Variants in THSD7B observed in about 807,000 individuals in gnomAD.
The protein encoded by THSD7B is thrombospondin type 1 domain containing 7B.
Under a neutral mutation model 213.6 loss-of-function variants are expected in THSD7B, and 138 were observed. The ratio of observed to expected loss-of-function variants is 0.65; its 90% CI spans 0.56 to 0.74. THSD7B has a LOEUF of 0.74. Among genes scored for constraint, THSD7B ranks in the 30% least tolerant of loss-of-function variants. The pLI, the probability that THSD7B is intolerant of heterozygous loss-of-function variation, is 0.00. For synonymous variants in THSD7B, 742 were observed against 687.0 expected (o/e 1.08, Z -1.25); for missense variants, 1,931 against 1,991.5 (o/e 0.97, Z 0.58).
rs559244611 is a variant in THSD7B, at chr2:136,870,357, T to C, written c.-35-11787T>C. ...TCGAAAAAATTATTTAAAAGTTGACTCAATAGTCCATGGATCCATTGAGCA... is the reference window on the plus strand; with the variant it reads ...TCGAAAAAATTATTTAAAAGTTGACCCAATAGTCCATGGATCCATTGAGCA... On this transcript the variant is annotated intron_variant, in intron 1 of 27. Transcript: ENST00000409968. Among the ~76,000 whole-genome samples, 6 of 152,354 alleles carry C rather than the reference T, an allele frequency of 3.9e-5. No individual in the cohort carries two copies. The South Asian group carries it at 1.2e-3, about 32-fold the overall frequency.
intron 5 of THSD7B, among the ~76,000 whole-genome samples, chr2:137,128,109 A>C (rs1688660947): frequency 6.6e-6 from 1 of 152,188 alleles, no homozygotes; most frequent in African/African-American, 2.4e-5. Context: ...GATTGGGAAC[A>C]CTACAGATAC....
At chr2:137,504,344 G>C (rs1044624556) in intron 15 of THSD7B, among the ~76,000 whole-genome samples, 1 of 152,098 alleles carries the variant, frequency 6.6e-6, no homozygotes, top group African/African-American at 2.4e-5. Context: ...GTGTATTTTT[G>C]AGAAGATGAT....
At chr2:137,096,269 AAAGT>A (rs922885660) in intron 4 of THSD7B, among the ~76,000 whole-genome samples, 5 of 152,336 alleles carry the variant, frequency 3.3e-5, no homozygotes, top group African/African-American at 1.2e-4. Flanking sequence ...AGCCAAAAAT[AAAGT>A]AAGAAAAAAA....
Position 137,130,949 on chromosome 2 carries a change from G to A in THSD7B, c.1369+15656G>A, listed in dbSNP as rs547451605. On this transcript the variant is annotated intron_variant, in intron 5 of 27. Transcript: ENST00000409968. ...TCTAGTTCTAGATCTCTGAGGAATC[G>A]CCACACTGACTTCTAAAATGGTTGA... Among the ~76,000 whole-genome samples the A allele has an allele frequency of 2.9e-3, 444 of 151,792 alleles. 2 individuals carry two copies. Among genetic ancestry groups the A allele is most frequent in the African/African-American group, 8.5e-3 (352 of 41,390 alleles).
intron 12 of THSD7B, among the ~76,000 whole-genome samples, chr2:137,277,893 G>T (rs1405575416): frequency 2.6e-5 from 4 of 152,078 alleles, no homozygotes; most frequent in Non-Finnish European, 5.9e-5. Flanking sequence ...GAGCAGGAAA[G>T]TTCCTCCTTG....
intron 1 of THSD7B, among the ~76,000 whole-genome samples, chr2:136,862,108 A>G (rs886895977): frequency 4.6e-5 from 7 of 152,220 alleles, no homozygotes; most frequent in Admixed American, 2.0e-4. Flanking sequence ...TATTTTATGT[A>G]GTAGTCTAGG....
intron 12 of THSD7B, among the ~76,000 whole-genome samples, chr2:137,325,988 A>G (rs1207738750): frequency 6.6e-6 from 1 of 152,210 alleles, no homozygotes. Flanking sequence ...CATTTTTCTT[A>G]GAAGCCTTCT....
At chr2:137,269,291 C>T (rs983818360) in intron 10 of THSD7B, among the ~76,000 whole-genome samples, 2 of 152,198 alleles carry the variant, frequency 1.3e-5, no homozygotes, top group South Asian at 2.1e-4. Flanking sequence ...GCATGAAAAT[C>T]AATGCAACTG....
At chr2:137,118,118 G>A (rs557306423) in intron 5 of THSD7B, among the ~76,000 whole-genome samples, 163 of 152,304 alleles carry the variant, frequency 1.1e-3, no homozygotes, top group African/African-American at 3.5e-3. Context: ...GAATGAAAAC[G>A]TAGAGAGCTA....
chr2:136,988,789 AG>A (rs1443064869), intron 2 of THSD7B, among the ~76,000 whole-genome samples: 1 of 152,228 alleles, frequency 6.6e-6, no homozygotes, highest in Non-Finnish European at 1.5e-5. Flanking sequence ...AAAATGTCCA[AG>A]AAGTCTTCAC....
intron 15 of THSD7B, among the ~76,000 whole-genome samples, chr2:137,512,401 T>A (rs1679981030): frequency 7.3e-6 from 1 of 136,254 alleles, no homozygotes; most frequent in African/African-American, 2.7e-5. Context: ...TTTTTTTTTT[T>A]TTTTTTTTGA....
At chr2:137,656,775 C>T (rs75468907) in intron 22 of THSD7B, 21 bp from the exon 23 acceptor site, 2 of 1,609,276 alleles carry the variant, frequency 1.2e-6, no homozygotes, top group Middle Eastern at 3.3e-4. Flanking sequence ...TTTCTCCACC[C>T]TGTACTGCAT....
chr2:137,125,413 T>C (rs1303686815), intron 5 of THSD7B, among the ~76,000 whole-genome samples: 1 of 152,222 alleles, frequency 6.6e-6, no homozygotes, highest in Non-Finnish European at 1.5e-5. Flanking sequence ...AGAAACCATC[T>C]TCTTTGCTCA....
intron 3 of THSD7B, among the ~76,000 whole-genome samples, chr2:137,091,403 A>G (rs1687946337): frequency 1.3e-5 from 2 of 152,222 alleles, no homozygotes; most frequent in Non-Finnish European, 2.9e-5. Context: ...AAAAACATAC[A>G]CAAGTTATAA....
intron 15 of THSD7B, among the ~76,000 whole-genome samples, chr2:137,479,726 A>G (rs1688262774): frequency 6.6e-6 from 1 of 152,174 alleles, no homozygotes; most frequent in Non-Finnish European, 1.5e-5. Flanking sequence ...GGCAGGGAAT[A>G]TCAGTAGGAC....
chr2:137,006,401 T>TACAC (rs1686113008), intron 2 of THSD7B, among the ~76,000 whole-genome samples: 1 of 85,120 alleles, frequency 1.2e-5, no homozygotes, highest in Non-Finnish European at 2.1e-5. Flanking sequence ...TCTCAAGAAA[T>TACAC]ACATACATAC....
intron 16 of THSD7B, among the ~76,000 whole-genome samples, chr2:137,563,803 T>A: frequency 6.6e-6 from 1 of 152,178 alleles, no homozygotes; most frequent in East Asian, 1.9e-4. Flanking sequence ...AGTCTGAGAA[T>A]ACCTATGAAC....
chr2:137,322,902 T>C (rs1684291693), intron 12 of THSD7B, among the ~76,000 whole-genome samples: 3 of 152,186 alleles, frequency 2.0e-5, no homozygotes, highest in Admixed American at 2.0e-4. Context: ...GAGAGGATAT[T>C]ATCTCTGTCA....
At chr2:136,811,341 C>T (rs1324857316) in intron 1 of THSD7B, among the ~76,000 whole-genome samples, 1 of 152,056 alleles carries the variant, frequency 6.6e-6, no homozygotes, top group Non-Finnish European at 1.5e-5. Flanking sequence ...AATAAATTCA[C>T]AGCACATGGG....
Sources: allele counts gnomAD v4.1 joint callset (sites outside exome capture counted in the v4.1 genomes callset), GRCh38; gene constraint gnomAD v4.1.1; transcripts MANE v1.5; gene names NCBI Gene and HGNC (gene_info 2026-07-23, HGNC 2026-07-21).